The following THSD7B variants were observed in gnomAD, a reference collection of about 807,000 sequenced individuals.
THSD7B encodes the protein thrombospondin type 1 domain containing 7B.
THSD7B carries 138 observed loss-of-function variants against 213.6 expected under a neutral mutation model. The ratio of observed to expected loss-of-function variants is 0.65; its 90% confidence interval spans 0.56 to 0.74. The LOEUF is 0.74. THSD7B is among the 30% of genes least tolerant of loss of function. The pLI, the probability that THSD7B is intolerant of heterozygous loss-of-function variation, is 0.00. For synonymous variants in THSD7B, 742 were observed against 687.0 expected (o/e 1.08, Z -1.25); for missense variants, 1,931 against 1,991.5 (o/e 0.97, Z 0.58).
intron 2 of THSD7B, among the ~76,000 whole-genome samples, chr2:136,954,183 C>T (rs895869526): frequency 6.6e-6 from 1 of 151,952 alleles, no homozygotes; most frequent in African/African-American, 2.4e-5. Flanking sequence ...AAATGTGGAC[C>T]AAAAGAGAAA....
At chr2:137,212,851 C>A (rs889458803) in intron 7 of THSD7B, among the ~76,000 whole-genome samples, 3 of 151,764 alleles carry the variant, frequency 2.0e-5, no homozygotes, top group African/African-American at 4.8e-5. Flanking sequence ...GGGTAAGGAA[C>A]AAACCACAAA....
Position 136,982,232 on chromosome 2 carries a change from C to T in THSD7B, c.140-74188C>T, listed in dbSNP as rs537319849. ...TTTAGATATTCTTAAACCTTCTGAT[C>T]CTTGGTTTCTCTCTCCAAAATACTC... On this transcript the variant is annotated intron_variant, in intron 2 of 27. Coordinates refer to ENST00000409968, the MANE Select transcript of THSD7B (RefSeq NM_001316349.2). 2.0e-5 allele frequency among the ~76,000 whole-genome samples: 3 copies of T among 152,164 alleles called. No homozygotes were observed. The South Asian group carries it at 6.2e-4, about 32-fold the overall frequency.
At chr2:137,453,214 G>A (rs186058507) in intron 15 of THSD7B, among the ~76,000 whole-genome samples, 96 of 151,598 alleles carry the variant, frequency 6.3e-4, no homozygotes, top group African/African-American at 2.2e-3. Flanking sequence ...AATATGCGGG[G>A]TACAAAATGA....
intron 10 of THSD7B, among the ~76,000 whole-genome samples, chr2:137,245,265 A>G (rs937236426): frequency 1.3e-5 from 2 of 152,208 alleles, no homozygotes; most frequent in East Asian, 1.9e-4. Context: ...TATGTAGCAG[A>G]TATATTACTT....
At chr2:137,031,670 T>C (rs1686670539) in intron 2 of THSD7B, among the ~76,000 whole-genome samples, 1 of 132,632 alleles carries the variant, frequency 7.5e-6, no homozygotes, top group Non-Finnish European at 1.7e-5. Flanking sequence ...AAAAGAAGCA[T>C]AACAACATGT....
chr2:137,300,176 G>A lies in THSD7B; in HGVS notation c.2500+24150G>A, dbSNP rs1683566622. On this transcript the variant is annotated intron_variant, in intron 12 of 27. Coordinates refer to ENST00000409968, the MANE Select transcript of THSD7B (RefSeq NM_001316349.2). ...TATACTTAGCATTTATAAACTTAATGCTATTTTAATTGCTTCTTATTCCTA... is the reference window on the plus strand; with the variant it reads ...TATACTTAGCATTTATAAACTTAATACTATTTTAATTGCTTCTTATTCCTA... Among the ~76,000 whole-genome samples the A allele has an allele frequency of 1.3e-5, 2 of 152,132 alleles. 1 individual carries two copies. The highest frequency in any genetic ancestry group is 4.2e-4 in the South Asian group (2 of 4,792).
intron 7 of THSD7B, among the ~76,000 whole-genome samples, chr2:137,178,833 A>G (rs1346877507): frequency 6.6e-6 from 1 of 152,230 alleles, no homozygotes; most frequent in Non-Finnish European, 1.5e-5. Context: ...ATACGTAGAC[A>G]TTGCAAGATA....
intron 19 of THSD7B, 35 bp downstream of exon 19, chr2:137,618,542 C>G: frequency 1.3e-6 from 2 of 1,576,952 alleles, no homozygotes; most frequent in Non-Finnish European, 1.7e-6. Context: ...ACATCCAAGG[C>G]TTTGTTTTTC....
intron 15 of THSD7B, among the ~76,000 whole-genome samples, chr2:137,470,909 A>G (rs1005101888): frequency 1.3e-5 from 1 of 74,460 alleles, no homozygotes; most frequent in Non-Finnish European, 2.7e-5. Flanking sequence ...ATTTTTCTTT[A>G]CTTTTTTTTT....
At chr2:136,955,723 G>A (rs1231787055) in intron 2 of THSD7B, among the ~76,000 whole-genome samples, 1 of 152,162 alleles carries the variant, frequency 6.6e-6, no homozygotes, top group Admixed American at 6.5e-5. Flanking sequence ...ATTCATAGGA[G>A]GCAGCAGAAG....
intron 12 of THSD7B, among the ~76,000 whole-genome samples, chr2:137,307,700 A>G (rs1485124757): frequency 6.6e-6 from 1 of 152,150 alleles, no homozygotes; most frequent in Non-Finnish European, 1.5e-5. Flanking sequence ...CACTACTGAT[A>G]ATAATTGTCT....
In THSD7B at chr2:137,677,355, A is replaced by G. The variant is rs1448729597; in HGVS notation, c.*750A>G. On this transcript the variant is annotated 3_prime_UTR_variant, in exon 28 of 28. Transcript: ENST00000409968. ...ATTGGAGAATGAGGTAGATTATTTG[A>G]TTACTAAAACTGTATTTTAACAAAA... 2.0e-5 allele frequency: 3 copies of G among 152,398 alleles called. No homozygotes were observed. In the East Asian group the frequency reaches 5.8e-4, roughly 29 times the overall value. 9.4% of individuals were successfully genotyped at this position (152,398 alleles called of 1,614,324 possible).
chr2:137,398,931 G>A (rs1451787305), intron 12 of THSD7B, among the ~76,000 whole-genome samples: 1 of 152,154 alleles, frequency 6.6e-6, no homozygotes, highest in South Asian at 2.1e-4. Flanking sequence ...GATTTTCCAG[G>A]TGCTGTCCGT....
chr2:137,103,937 GGA>G (rs1207090955), intron 4 of THSD7B, among the ~76,000 whole-genome samples: 1 of 152,000 alleles, frequency 6.6e-6, no homozygotes. Context: ...AATAATAGTG[GGA>G]GACTTTAACA....
intron 17 of THSD7B, among the ~76,000 whole-genome samples, chr2:137,604,105 A>T (rs1047626964): frequency 1.3e-5 from 2 of 152,216 alleles, no homozygotes; most frequent in South Asian, 2.1e-4. Context: ...TCTCGAAAAA[A>T]AATAATAATA....
chr2:137,380,199 A>C (rs1039943435), intron 12 of THSD7B, among the ~76,000 whole-genome samples: 3 of 151,740 alleles, frequency 2.0e-5, no homozygotes, highest in Admixed American at 1.3e-4. Context: ...ATCACTTGAG[A>C]CCAGAAGTTT....
intron 3 of THSD7B, among the ~76,000 whole-genome samples, chr2:137,093,569 A>G (rs951049901): frequency 2.6e-5 from 4 of 152,174 alleles, no homozygotes; most frequent in African/African-American, 4.8e-5. Context: ...TGAATATGCT[A>G]TCGTTTTACT....
At chr2:137,185,543 A>G (rs555359651) in intron 7 of THSD7B, among the ~76,000 whole-genome samples, 3 of 152,262 alleles carry the variant, frequency 2.0e-5, no homozygotes, top group Admixed American at 2.0e-4. Flanking sequence ...TGGTCTCCAG[A>G]GCATCCATGT....
chr2:137,056,454 C>T lies in THSD7B; in HGVS notation c.174C>T (p.Pro58=), dbSNP rs772035764. 24 of 1,613,642 alleles carry T rather than the reference C, an allele frequency of 1.5e-5. No homozygotes were observed. The highest frequency in any genetic ancestry group is 1.9e-5 in the Non-Finnish European group (23 of 1,179,818). ...GAAGGTGTACAGGAGACTGTGGTCCCGGAGGAGTCCAGAGTCGGGCAGTGT... is the reference window on the plus strand; with the variant it reads ...GAAGGTGTACAGGAGACTGTGGTCCTGGAGGAGTCCAGAGTCGGGCAGTGT... The part of the protein sequence containing the change: ...PWGRCTGDCG[P]GGVQSRAVWC... Residue 58 remains proline, a synonymous_variant, in exon 3 of 28, where the codon CCC becomes CCT. Coordinates refer to ENST00000409968, the MANE Select transcript of THSD7B (RefSeq NM_001316349.2).
Sources: gnomAD v4.1 joint callset for allele counts (sites outside exome capture counted in the v4.1 genomes callset) on GRCh38, gnomAD v4.1.1 for gene constraint, MANE v1.5 for transcripts, NCBI Gene and HGNC (gene_info 2026-07-23, HGNC 2026-07-21) for gene names.